SLC26A11: variants seen among roughly 807,000 people sequenced by gnomAD.
SLC26A11 encodes sodium-independent sulfate anion transporter.
A neutral mutation model predicts 62.2 loss-of-function variants in SLC26A11; 58 were observed. The observed-to-expected ratio is 0.93, with a 90% confidence interval of 0.76 to 1.16. The LOEUF is 1.16. Among genes scored for constraint, SLC26A11 ranks in the 50% most tolerant of loss-of-function variants. SLC26A11 has a pLI of 0.00. For missense variants in SLC26A11, 790 were observed against 794.3 expected (o/e 0.99, Z 0.06); for synonymous variants, 411 against 368.9 (o/e 1.11, Z -1.31).
At position 80,246,516 on chromosome 17, in the gene SLC26A11, G is replaced by A. The variant is rs567774859; in HGVS notation, c.1161G>A (p.Leu387=). 1 of 1,611,664 alleles carries A rather than the reference G, an allele frequency of 6.2e-7. No individual in the cohort carries two copies. The highest frequency in any genetic ancestry group is 8.5e-7 in the Non-Finnish European group (1 of 1,179,996). The change falls in exon 13 of 18, where the codon CTG becomes CTA. Residue 387 remains leucine (L), a synonymous_variant. Coordinates refer to ENST00000361193, the MANE Select transcript of SLC26A11 (RefSeq NM_001166347.2). The surrounding 1 kb of genome is among the most constrained non-coding windows in gnomAD (Gnocchi z 4.4). ...TGTTCCCGTGCCCCGCAGGAGTGCTGGTGCTGCTGTCTCTGGACTACCTGA... is the reference window on the plus strand; with the variant it reads ...TGTTCCCGTGCCCCGCAGGAGTGCTAGTGCTGCTGTCTCTGGACTACCTGA... ...TPAGGLVTGV[L]VLLSLDYLTS...
At chr17:80,251,746 G>C (rs2043161880) in intron 17 of SLC26A11, among the ~76,000 whole-genome samples, 1 of 149,758 alleles carries the variant, frequency 6.7e-6, no homozygotes, top group African/African-American at 2.5e-5. Context: ...CTGGGTGAGA[G>C]AGCGAGACTC....
In SLC26A11 at chr17:80,248,164, G is replaced by A. The variant is rs2043058415; in HGVS notation, c.1329G>A (p.Leu443=). The change falls in exon 14 of 18, where the codon CTG becomes CTA. Residue 443 remains leucine, a synonymous_variant. Coordinates refer to ENST00000361193, the MANE Select transcript of SLC26A11 (RefSeq NM_001166347.2). ...TGCTGCCCCTGTGCGTGACCTTCCTGCTGTGCTTCTGGGAGGTGCAGTACG... is the reference window on the plus strand; with the variant it reads ...TGCTGCCCCTGTGCGTGACCTTCCTACTGTGCTTCTGGGAGGTGCAGTACG... ...LDLLPLCVTF[L]LCFWEVQYGI... is the part of the protein sequence containing the mutation. 1.2e-6 allele frequency: 2 copies of A among 1,606,790 alleles called. No homozygotes were observed. The highest frequency in any genetic ancestry group is 1.7e-6 in the Non-Finnish European group (2 of 1,179,858).
Position 80,246,275 on chromosome 17 carries a change from C to T in SLC26A11, c.1153+66C>T. ...AGTGGGAGAAAGGGAGGAGGGGGCC[C>T]ACAGAGACGTCCCTTTGGCTCATGG... On this transcript the variant is annotated intron_variant, in intron 12 of 17. Transcript: ENST00000361193. This position sits in a 1 kb window ranked among gnomAD's most constrained non-coding sequence, Gnocchi z 4.4. 1.3e-6 allele frequency: 2 copies of T among 1,556,824 alleles called. No individual in the cohort carries two copies.
chr17:80,249,407 C>G, intron 16 of SLC26A11, 120 bp downstream of exon 16: 1 of 1,315,358 alleles, frequency 7.6e-7, no homozygotes, highest in Non-Finnish European at 1.0e-6. Flanking sequence ...TCGGCCGGTG[C>G]TGGCTCTGCT....
intron 10 of SLC26A11, among the ~76,000 whole-genome samples, chr17:80,243,828 G>A (rs930688983): frequency 9.2e-5 from 14 of 152,374 alleles, no homozygotes; most frequent in South Asian, 2.1e-4. Flanking sequence ...AGATAGGCCA[G>A]GTAGGCCTCA....
chr17:80,221,428 C>A, intron 2 of SLC26A11, 120 bp from the exon 3 acceptor site: 1 of 689,622 alleles, frequency 1.5e-6, no homozygotes, highest in Non-Finnish European at 2.4e-6. Flanking sequence ...AGCCGTTCGC[C>A]CCCCTGGGGA....
chr17:80,224,768 G>A (rs183013940), intron 5 of SLC26A11, among the ~76,000 whole-genome samples: 9 of 152,066 alleles, frequency 5.9e-5, no homozygotes, highest in East Asian at 5.8e-4. Flanking sequence ...AGTGGAGAGC[G>A]GAGAGTGGAG....
rs756905343 is a variant in SLC26A11 at position 80,246,466 on chromosome 17, G to GA, written c.1154-42dup. On this transcript the variant is annotated intron_variant, in intron 12 of 17. Coordinates refer to ENST00000361193, the MANE Select transcript of SLC26A11 (RefSeq NM_001166347.2). The surrounding 1 kb of genome is among the most constrained non-coding windows in gnomAD (Gnocchi z 4.4). ...AGGCTGCTACGCTGCGTGCTGGGGG[G>GA]ACCCTGCACTCCCGAGGTCACCTGT... 1.2e-6 allele frequency: 2 copies of GA among 1,602,688 alleles called. No homozygotes were observed. Among genetic ancestry groups the GA allele is most frequent in the Non-Finnish European group, 1.7e-6 (2 of 1,179,390 alleles).
chr17:80,223,187 C>A lies in SLC26A11; in HGVS notation c.428-65C>A. The A allele has an allele frequency of 6.8e-7, 1 of 1,463,134 alleles. No homozygotes were observed. Among genetic ancestry groups the A allele is most frequent in the Non-Finnish European group, 9.6e-7 (1 of 1,046,792 alleles). 90.6% of individuals were successfully genotyped at this position (1,463,134 alleles called of 1,614,324 possible). A position where few individuals can be genotyped will look rare whatever the true frequency, so the allele number is the denominator to read the frequency against. On this transcript the variant is annotated intron_variant, in intron 4 of 17. Transcript: ENST00000361193. The surrounding 1 kb of genome is among the most constrained non-coding windows in gnomAD (Gnocchi z 4.6). ...CATTGCCACCTTCCCCAGCTCACAT[C>A]TCCCCTCATCCTCTGGGACTGGGTG...
chr17:80,238,810 A>ATTTTTT (rs2042769333), intron 9 of SLC26A11, among the ~76,000 whole-genome samples: 1 of 120,878 alleles, frequency 8.3e-6, no homozygotes, highest in African/African-American at 3.7e-5. Flanking sequence ...CCTTCAAAGG[A>ATTTTTT]GTTTTTTTTG....
intron 7 of SLC26A11, among the ~76,000 whole-genome samples, chr17:80,234,567 A>T (rs2042643407): frequency 6.6e-6 from 1 of 152,096 alleles, no homozygotes; most frequent in South Asian, 2.1e-4. Flanking sequence ...TGGAAAATAA[A>T]CACCCATCTT....
Position 80,222,671 on chromosome 17 carries a change from C to T in SLC26A11, c.251C>T (p.Ala84Val). The change falls in exon 4 of 18, where the codon GCC (alanine) becomes GTC (valine). Residue 84 changes from alanine to valine, a missense_variant. Transcript: ENST00000361193. This position sits in a 1 kb window ranked among gnomAD's most constrained non-coding sequence, Gnocchi z 4.7. ...GLPPQYGLYSAFMGCFVYFFL... is the reference protein window; with the variant it reads ...GLPPQYGLYSVFMGCFVYFFL... ...TCCCCACAGTATGGCCTCTACTCTG[C>T]CTTCATGGGCTGCTTCGTGTATTTC... is the stretch of plus-strand genomic sequence containing the variant. 6.2e-7 allele frequency: 1 copy of T among 1,614,066 alleles called. No individual in the cohort carries two copies. The highest frequency in any genetic ancestry group is 8.5e-7 in the Non-Finnish European group (1 of 1,179,986).
chr17:80,248,077 T>C, intron 13 of SLC26A11, 53 bp from the exon 14 acceptor site: 2 of 1,542,340 alleles, frequency 1.3e-6, no homozygotes, highest in African/African-American at 1.4e-5. Flanking sequence ...AGCAGGGCCA[T>C]GTTGGGGCCT....
At chr17:80,237,482 C>G in intron 8 of SLC26A11, 40 bp from the exon 9 acceptor site, 1 of 1,574,610 alleles carries the variant, frequency 6.4e-7, no homozygotes, top group Non-Finnish European at 8.6e-7. Context: ...GGGTCCTACC[C>G]CTTAGGAAGG....
At position 80,237,602 on chromosome 17, in the gene SLC26A11, G is replaced by T. The variant is rs373723248; in HGVS notation, c.985+8G>T. 1.9e-6 allele frequency: 3 copies of T among 1,609,388 alleles called. No homozygotes were observed. Among genetic ancestry groups the T allele is most frequent in the Non-Finnish European group, 8.5e-7 (1 of 1,178,096 alleles). On this transcript the variant is annotated splice_region_variant and intron_variant, in intron 9 of 17. Transcript: ENST00000361193. ...CGGTGGCCAAAGCCTTCGGTAAGAC[G>T]CCTGTCACCCACACCCCAGGTCTCC...
chr17:80,228,061 G>A lies in SLC26A11; in HGVS notation c.736+101G>A. The A allele has an allele frequency of 9.2e-7, 1 of 1,082,940 alleles. No homozygotes were observed. The highest frequency in any genetic ancestry group is 2.3e-5 in the Admixed American group (1 of 43,744). The allele number at this position is 1,082,940 out of a possible 1,614,324, so 67.1% of individuals were successfully genotyped here. A position where few individuals can be genotyped will look rare whatever the true frequency, so the allele number is the denominator to read the frequency against. On this transcript the variant is annotated intron_variant, in intron 7 of 17. Coordinates refer to ENST00000361193, the MANE Select transcript of SLC26A11 (RefSeq NM_001166347.2). This position sits in a 1 kb window ranked among gnomAD's most constrained non-coding sequence, Gnocchi z 4.1. ...CTAGGGATTCTCACGTCATTGGTCT[G>A]GGTGTCACTTGAGCATTGGGACATT...
Position 80,221,702 on chromosome 17 carries a change from C to A in SLC26A11, c.142C>A (p.Leu48Met). The part of the protein sequence containing the change: ...AWLPSYSLQW[L>M]KMDFVAGLSV... ...GCTGCCCAGCTACTCCCTGCAGTGG[C>A]TGAAGATGGATTTCGTCGCCGGCCT... The change falls in exon 3 of 18, where the codon CTG becomes ATG. Residue 48 changes from leucine to methionine, a missense_variant. Coordinates refer to ENST00000361193, the MANE Select transcript of SLC26A11 (RefSeq NM_001166347.2). 4 of 1,613,754 alleles carry A rather than the reference C, an allele frequency of 2.5e-6. No individual in the cohort carries two copies. The highest frequency in any genetic ancestry group is 2.5e-6 in the Non-Finnish European group (3 of 1,180,028).
chr17:80,253,125 C>T lies in SLC26A11; in HGVS notation c.*409C>T, dbSNP rs116159360. 2.3e-3 allele frequency: 355 copies of T among 155,986 alleles called. 2 individuals are homozygous for T. The highest frequency in any genetic ancestry group is 7.7e-3 in the African/African-American group (322 of 41,682). The allele number at this position is 155,986 out of a possible 1,614,324, so 9.7% of individuals were successfully genotyped here. A position where few individuals can be genotyped will look rare whatever the true frequency, so the allele number is the denominator to read the frequency against. ...ACGGGGCAGGCAGGAGTCTGGGAGGCGGGTCCGCTCCTCTTGTCTGCGGCA... is the reference window on the plus strand; with the variant it reads ...ACGGGGCAGGCAGGAGTCTGGGAGGTGGGTCCGCTCCTCTTGTCTGCGGCA... On this transcript the variant is annotated 3_prime_UTR_variant, in exon 18 of 18. Transcript: ENST00000361193.
chr17:80,248,271 G>A lies in SLC26A11; in HGVS notation c.1422+14G>A. 6.2e-7 allele frequency: 1 copy of A among 1,603,212 alleles called. No individual in the cohort carries two copies. ...CCTGAGACCAAGGTACCCCTCCGTG[G>A]CCTCTGAGTGGGGAGTGTGCTGGGG... On this transcript the variant is annotated intron_variant, in intron 14 of 17. Transcript: ENST00000361193.
Sources: allele counts gnomAD v4.1 joint callset (sites outside exome capture counted in the v4.1 genomes callset), GRCh38; gene constraint gnomAD v4.1.1; non-coding constraint Gnocchi (gnomAD v3.1); transcripts MANE v1.5; gene names NCBI Gene and HGNC (gene_info 2026-07-23, HGNC 2026-07-21).